The following RBFOX1 variants were observed in gnomAD, a reference collection of about 807,000 sequenced individuals.
RBFOX1 encodes RNA binding protein fox-1 homolog 1.
In RBFOX1, 8 loss-of-function variants were observed where a neutral mutation model predicts 57.7. That is an observed-to-expected ratio of 0.14 (90% CI 0.08 to 0.25). The LOEUF (loss-of-function observed/expected upper bound fraction) is 0.25. RBFOX1 is among the 10% of genes least tolerant of loss of function. The pLI is 1.00. For synonymous variants in RBFOX1, 326 were observed against 222.4 expected (o/e 1.47, Z -4.15); for missense variants, 611 against 548.5 (o/e 1.11, Z -1.14).
intron 4 of RBFOX1, among the ~76,000 whole-genome samples, chr16:7,287,739 A>G (rs1338341124): frequency 2.6e-5 from 4 of 152,072 alleles, no homozygotes; most frequent in Non-Finnish European, 5.9e-5. Flanking sequence ...ATGTAGATCT[A>G]TATGTTTAGA....
intron 1 of RBFOX1, among the ~76,000 whole-genome samples, chr16:5,454,890 C>G (rs1332124552): frequency 5.5e-5 from 5 of 91,598 alleles, no homozygotes; most frequent in East Asian, 3.1e-4. Context: ...TTCTTTCTTT[C>G]TTTCTTTCTT....
At chr16:5,818,909 C>G (rs1020293142) in intron 3 of RBFOX1, among the ~76,000 whole-genome samples, 17 of 152,170 alleles carry the variant, frequency 1.1e-4, no homozygotes, top group African/African-American at 3.6e-4. Context: ...AAATACATCA[C>G]CTTTGACTCA....
chr16:5,677,546 A>G (rs1206929118), intron 3 of RBFOX1, among the ~76,000 whole-genome samples: 2 of 152,222 alleles, frequency 1.3e-5, no homozygotes, highest in African/African-American at 2.4e-5. Context: ...CAAGTTTGAA[A>G]GAAATTCACC....
At chr16:7,023,564 TAAA>T (rs34056673) in intron 3 of RBFOX1, among the ~76,000 whole-genome samples, 25 of 43,924 alleles carry the variant, frequency 5.7e-4, no homozygotes, top group African/African-American at 1.3e-3. Flanking sequence ...TCGTCTGTAC[TAAA>T]AAAAAAAAAA....
intron 10 of RBFOX1, among the ~76,000 whole-genome samples, chr16:7,625,867 A>G (rs948847473): frequency 1.3e-5 from 2 of 152,146 alleles, no homozygotes; most frequent in Non-Finnish European, 2.9e-5. Context: ...TTCTCACTTC[A>G]TTTGCTCCCT....
At chr16:7,590,150 C>G (rs962406843) in intron 7 of RBFOX1, among the ~76,000 whole-genome samples, 1 of 151,938 alleles carries the variant, frequency 6.6e-6, no homozygotes, top group East Asian at 1.9e-4. Context: ...ACCTGTAGTC[C>G]AAGCTACTTG....
chr16:7,002,405 A>G (rs1323006245), intron 3 of RBFOX1, among the ~76,000 whole-genome samples: 3 of 152,166 alleles, frequency 2.0e-5, no homozygotes, highest in African/African-American at 7.2e-5. Flanking sequence ...CAAGAAAGAG[A>G]TTTAAAAAAG....
At chr16:5,685,497 G>A (rs1164163073) in intron 3 of RBFOX1, among the ~76,000 whole-genome samples, 2 of 152,208 alleles carry the variant, frequency 1.3e-5, no homozygotes, top group Non-Finnish European at 2.9e-5. Context: ...TTCTCTGATG[G>A]TCAAGTGGCT....
chr16:6,313,298 A>C (rs1373346665), intron 1 of RBFOX1, among the ~76,000 whole-genome samples: 1 of 152,232 alleles, frequency 6.6e-6, no homozygotes, highest in African/African-American at 2.4e-5. Context: ...CCAGCAATGT[A>C]GGATTTAAAC....
intron 3 of RBFOX1, among the ~76,000 whole-genome samples, chr16:6,798,534 A>G (rs2084624251): frequency 6.6e-6 from 1 of 152,118 alleles, no homozygotes; most frequent in South Asian, 2.1e-4. Flanking sequence ...AAGCCCAGAT[A>G]ACACCCCCAA....
intron 4 of RBFOX1, among the ~76,000 whole-genome samples, chr16:7,432,856 C>T (rs1196080653): frequency 6.6e-6 from 1 of 152,182 alleles, no homozygotes; most frequent in African/African-American, 2.4e-5. Flanking sequence ...AATTTGCATT[C>T]ATGGTCATCT....
intron 4 of RBFOX1, among the ~76,000 whole-genome samples, chr16:7,356,809 G>C (rs1052033508): frequency 6.6e-6 from 1 of 152,172 alleles, no homozygotes; most frequent in Non-Finnish European, 1.5e-5. Flanking sequence ...GGAAGGAAGG[G>C]TTTGGAGCCA....
At chr16:6,642,979 G>C (rs4786899) in intron 2 of RBFOX1, among the ~76,000 whole-genome samples, 129,458 of 152,146 alleles carry the variant, frequency 0.85, 55,583 homozygotes, top group Middle Eastern at 0.98. Context: ...CTCTTACATC[G>C]TGAGTCATCT....
chr16:7,392,203 T>G (rs545008991), intron 4 of RBFOX1, among the ~76,000 whole-genome samples: 1 of 152,208 alleles, frequency 6.6e-6, no homozygotes, highest in African/African-American at 2.4e-5. Context: ...TTTTCAGACC[T>G]CTGCCTACAT....
At chr16:6,415,792 T>C (rs1160908539) in intron 2 of RBFOX1, among the ~76,000 whole-genome samples, 1 of 152,204 alleles carries the variant, frequency 6.6e-6, no homozygotes, top group African/African-American at 2.4e-5. Flanking sequence ...ATCTGTGAGA[T>C]ACACAAATGC....
intron 3 of RBFOX1, among the ~76,000 whole-genome samples, chr16:5,835,292 C>T (rs979747359): frequency 6.6e-5 from 10 of 152,166 alleles, no homozygotes; most frequent in African/African-American, 2.4e-4. Flanking sequence ...CCATGCGTCC[C>T]ACCACATGGG....
chr16:7,132,279 C>T (rs886789113), intron 4 of RBFOX1, among the ~76,000 whole-genome samples: 19 of 152,010 alleles, frequency 1.2e-4, no homozygotes, highest in African/African-American at 3.6e-4. Context: ...CCCTGTCCGG[C>T]CAGAGTCCAA....
At chr16:6,409,113 T>C (rs955512481) in intron 2 of RBFOX1, among the ~76,000 whole-genome samples, 2 of 152,298 alleles carry the variant, frequency 1.3e-5, no homozygotes, top group African/African-American at 4.8e-5. Flanking sequence ...TACTAATGTT[T>C]TATAACAAAT....
At chr16:7,647,012 G>T (rs550725020) in intron 11 of RBFOX1, among the ~76,000 whole-genome samples, 4 of 152,172 alleles carry the variant, frequency 2.6e-5, no homozygotes, top group Non-Finnish European at 4.4e-5. Flanking sequence ...CCATTTGGCT[G>T]GTGGATACAC....
Sources: gnomAD v4.1 joint callset for allele counts (sites outside exome capture counted in the v4.1 genomes callset) on GRCh38, gnomAD v4.1.1 for gene constraint, MANE v1.5 for transcripts, NCBI Gene and HGNC (gene_info 2026-07-23, HGNC 2026-07-21) for gene names.